Variants in NEGR1 observed in about 807,000 individuals in gnomAD.
The protein encoded by NEGR1 is IgLON family member 4.
NEGR1 carries 10 observed loss-of-function variants against 40.9 expected under a neutral mutation model. The ratio of observed to expected loss-of-function variants is 0.24; its 90% CI spans 0.15 to 0.42. The LOEUF (loss-of-function observed/expected upper bound fraction) is 0.42. Ranked by LOEUF, NEGR1 falls within the 10% of genes least tolerant of loss-of-function variation. The probability of loss-of-function intolerance (pLI) is 1.00; values close to 1 mark genes in which losing one functional copy is unlikely to be tolerated. For missense variants in NEGR1, 352 were observed against 438.9 expected (o/e 0.80, Z 1.77); for synonymous variants, 185 against 166.8 (o/e 1.11, Z -0.84).
rs192364733 is a variant in NEGR1 at position 71,408,023 on chromosome 1, C to T, written c.941-453G>A. ...AGGAAAACAAGAATATTGTCCCTTC[C>T]AAGGCCTTTTTTTGGTGAGAAAAGA... is the stretch of plus-strand genomic sequence containing the variant. On this transcript the variant is annotated intron_variant, in intron 6 of 6. Transcript: ENST00000357731. 3.7e-3 allele frequency among the ~76,000 whole-genome samples: 557 copies of T among 152,082 alleles called. 4 individuals are homozygous for T. Among genetic ancestry groups the T allele is most frequent in the African/African-American group, 0.013 (528 of 41,498 alleles).
intron 2 of NEGR1, among the ~76,000 whole-genome samples, chr1:71,830,394 C>CA (rs893103188): frequency 8.6e-5 from 13 of 151,558 alleles, no homozygotes; most frequent in African/African-American, 1.7e-4. Context: ...GCTATTGTTA[C>CA]AAAAAAACCA....
intron 1 of NEGR1, among the ~76,000 whole-genome samples, chr1:72,171,141 TCC>T (rs1012658153): frequency 7.2e-4 from 110 of 152,224 alleles, no homozygotes; most frequent in African/African-American, 2.6e-3. Context: ...TGTTTTTCCC[TCC>T]CCTTTCCAGA....
At chr1:72,135,609 T>C (rs544627316) in intron 1 of NEGR1, among the ~76,000 whole-genome samples, 14 of 152,110 alleles carry the variant, frequency 9.2e-5, no homozygotes, top group African/African-American at 3.1e-4. Flanking sequence ...AAACTTCCTT[T>C]ATTGAGAAGA....
chr1:71,580,021 G>A lies in NEGR1; in HGVS notation c.940+12796C>T, dbSNP rs550941172. 6.6e-5 allele frequency among the ~76,000 whole-genome samples: 10 copies of A among 152,080 alleles called. No homozygotes were observed. The South Asian group carries it at 1.2e-3, about 19-fold the overall frequency. ...ACACATGCACACGTATGCTCATTGC[G>A]GCATTATTCACAATAGCAAAGACTT... On this transcript the variant is annotated intron_variant, in intron 6 of 6. Transcript: ENST00000357731.
chr1:72,110,050 G>T (rs1649292892), intron 1 of NEGR1, among the ~76,000 whole-genome samples: 1 of 151,356 alleles, frequency 6.6e-6, no homozygotes, highest in South Asian at 2.1e-4. Context: ...TTTAGAACTT[G>T]TCCTGGCTGG....
At chr1:72,078,648 T>TA (rs988688926) in intron 1 of NEGR1, among the ~76,000 whole-genome samples, 70 of 149,158 alleles carry the variant, frequency 4.7e-4, no homozygotes, top group African/African-American at 1.5e-3. Context: ...TTTATTTATT[T>TA]TTTTTTTTGA....
At chr1:71,850,113 G>C (rs920655248) in intron 2 of NEGR1, among the ~76,000 whole-genome samples, 4 of 149,126 alleles carry the variant, frequency 2.7e-5, no homozygotes, top group Non-Finnish European at 6.0e-5. Flanking sequence ...TGTGTGTTAA[G>C]AACATTTATA....
chr1:71,592,900 T>C lies in NEGR1; in HGVS notation c.857A>G (p.Asn286Ser), dbSNP rs1557579466. Reference sequence around the variant, plus strand: ...ATTGCCGAAGTGCTCCTGTGTCACGTTGGTAACAGTGAGAATGGATCTTGT... The same window carrying C: ...ATTGCCGAAGTGCTCCTGTGTCACGCTGGTAACAGTGAGAATGGATCTTGT... Reference protein sequence around the residue: ...FSTRSILTVTNVTQEHFGNYT... With the variant: ...FSTRSILTVTSVTQEHFGNYT... The change falls in exon 6 of 7, where the codon AAC becomes AGC. Residue 286 changes from asparagine to serine, a missense_variant. Asn to Ser is a conservative substitution (Grantham distance 46). This residue lies in a region of NEGR1 where 184 missense variants were observed against 208.7 expected (regional missense o/e 0.88). Transcript: ENST00000357731. 1 of 1,610,524 alleles carries C rather than the reference T, an allele frequency of 6.2e-7. No homozygotes were observed. The highest frequency in any genetic ancestry group is 1.3e-5 in the African/African-American group (1 of 74,970).
chr1:71,445,291 G>A (rs1646573512), intron 6 of NEGR1, among the ~76,000 whole-genome samples: 1 of 148,104 alleles, frequency 6.8e-6, no homozygotes, highest in African/African-American at 2.5e-5. Context: ...CAGAACACAA[G>A]CTCAATGCTT....
At position 72,012,975 on chromosome 1, in the gene NEGR1, A is replaced by T. The variant is rs981321193; in HGVS notation, c.177-77664T>A. On this transcript the variant is annotated intron_variant, in intron 1 of 6. Coordinates refer to ENST00000357731, the MANE Select transcript of NEGR1 (RefSeq NM_173808.3). ...GCTGAAAAACCAACTGGAAAAAAAA[A>T]CAGATTAATAGGAGATATGGCATAT... Among the ~76,000 whole-genome samples, 10 of 151,700 alleles carry T rather than the reference A, an allele frequency of 6.6e-5. No homozygotes were observed. In the South Asian group the frequency reaches 1.9e-3, roughly 28 times the overall value.
chr1:71,675,220 C>T (rs1257920965), intron 4 of NEGR1, among the ~76,000 whole-genome samples: 1 of 143,368 alleles, frequency 7.0e-6, no homozygotes, highest in Non-Finnish European at 1.5e-5. Context: ...GTTAAGTAAA[C>T]CTTCAGGTAT....
rs186761023 is a variant in NEGR1 at position 72,252,338 on chromosome 1, C to T, written c.176+29981G>A. Among the ~76,000 whole-genome samples the T allele has an allele frequency of 4.7e-3, 709 of 152,170 alleles. 9 individuals are homozygous for T. The highest frequency in any genetic ancestry group is 6.8e-3 in the Non-Finnish European group (460 of 68,000). On this transcript the variant is annotated intron_variant, in intron 1 of 6. Transcript: ENST00000357731. ...GGATTACAGGCATGAGCCATTGCGC[C>T]CAGCCTTCAGCCTTACTTCTTAAAG...
intron 1 of NEGR1, among the ~76,000 whole-genome samples, chr1:72,234,936 A>T (rs948618976): frequency 6.6e-5 from 10 of 152,148 alleles, no homozygotes; most frequent in Non-Finnish European, 1.5e-4. Flanking sequence ...AAAGGAATAT[A>T]ATTCAGTCTA....
At chr1:71,906,080 G>C (rs1661266335) in intron 2 of NEGR1, among the ~76,000 whole-genome samples, 1 of 151,990 alleles carries the variant, frequency 6.6e-6, no homozygotes, top group African/African-American at 2.4e-5. Context: ...TTTGCTTCTG[G>C]ATTCAGCTGA....
At chr1:72,201,553 C>T (rs1163314700) in intron 1 of NEGR1, among the ~76,000 whole-genome samples, 1 of 151,678 alleles carries the variant, frequency 6.6e-6, no homozygotes, top group East Asian at 1.9e-4. Flanking sequence ...ACAGCTTGGA[C>T]GAAGTTTGTA....
chr1:72,240,670 A>AAGTGTTTTGCCTGTTGATATTTC (rs1553153122), intron 1 of NEGR1, among the ~76,000 whole-genome samples: 1 of 151,868 alleles, frequency 6.6e-6, no homozygotes, highest in Non-Finnish European at 1.5e-5. Context: ...TGAGATGCTC[A>AAGTGTTTTGCCTGTTGATATTTC]AGTGTTTTGC....
At chr1:71,663,269 T>G (rs948198570) in intron 4 of NEGR1, among the ~76,000 whole-genome samples, 17 of 152,210 alleles carry the variant, frequency 1.1e-4, no homozygotes, top group Non-Finnish European at 2.1e-4. Context: ...TTTTTAGTTT[T>G]TTTATAGTGG....
At chr1:71,739,199 G>GAA (rs776411417) in intron 3 of NEGR1, among the ~76,000 whole-genome samples, 14 of 63,642 alleles carry the variant, frequency 2.2e-4, no homozygotes, top group Non-Finnish European at 2.8e-4. Flanking sequence ...AAGGCAGGCA[G>GAA]AAAAAAAAAA....
chr1:71,695,670 C>T (rs1049778847), intron 4 of NEGR1, among the ~76,000 whole-genome samples: 2 of 151,802 alleles, frequency 1.3e-5, no homozygotes, highest in Non-Finnish European at 2.9e-5. Flanking sequence ...AATGTTCCAG[C>T]TCCCATCTTG....
Sources: gnomAD v4.1 joint callset for allele counts (sites outside exome capture counted in the v4.1 genomes callset) on GRCh38, gnomAD v4.1.1 for gene constraint, gnomAD v4.1.1 regional missense constraint, MANE v1.5 for transcripts, NCBI Gene and HGNC (gene_info 2026-07-23, HGNC 2026-07-21) for gene names.